DOCK1: variants seen among roughly 807,000 people sequenced by gnomAD.
The protein encoded by DOCK1 is dedicator of cytokinesis protein 1.
A neutral mutation model predicts 262.7 loss-of-function variants in DOCK1; 138 were observed. That is an observed-to-expected ratio of 0.53 (90% CI 0.46 to 0.61). The LOEUF is 0.61. Ranked by LOEUF, DOCK1 falls within the 20% of genes least tolerant of loss-of-function variation. DOCK1 has a pLI of 0.00. For synonymous variants in DOCK1, 866 were observed against 867.4 expected (o/e 1.00, Z 0.03); for missense variants, 1,908 against 2,370.7 (o/e 0.80, Z 4.05).
chr10:127,340,969 A>G (rs534591610), intron 30 of DOCK1, among the ~76,000 whole-genome samples: 5 of 152,158 alleles, frequency 3.3e-5, no homozygotes, highest in South Asian at 4.2e-4. Flanking sequence ...GAAATCTGTT[A>G]TTTCTTTTAC....
chr10:127,384,960 C>G, intron 38 of DOCK1, 51 bp downstream of exon 38: 1 of 1,500,976 alleles, frequency 6.7e-7, no homozygotes, highest in Non-Finnish European at 8.9e-7. Flanking sequence ...ATGCACCTAC[C>G]TGCAGTGTTG....
intron 28 of DOCK1, among the ~76,000 whole-genome samples, chr10:127,248,531 AT>A (rs2059509171): frequency 6.6e-6 from 1 of 152,254 alleles, no homozygotes; most frequent in African/African-American, 2.4e-5. Context: ...ATTAGCTGTA[AT>A]CATGGAAGCT....
At chr10:127,021,973 C>T (rs935700878) in intron 13 of DOCK1, among the ~76,000 whole-genome samples, 1 of 152,078 alleles carries the variant, frequency 6.6e-6, no homozygotes, top group Non-Finnish European at 1.5e-5. Flanking sequence ...GTGGTCAGGG[C>T]GTGGGAGGTG....
intron 29 of DOCK1, among the ~76,000 whole-genome samples, chr10:127,323,200 A>G (rs2062612339): frequency 6.6e-6 from 1 of 152,128 alleles, no homozygotes; most frequent in Non-Finnish European, 1.5e-5. Context: ...ACTTCCACAT[A>G]AAAATGAGGG....
intron 1 of DOCK1, among the ~76,000 whole-genome samples, chr10:126,937,306 A>G (rs2034618101): frequency 6.6e-6 from 1 of 152,200 alleles, no homozygotes; most frequent in Non-Finnish European, 1.5e-5. Flanking sequence ...GGGTGTACAA[A>G]TATCTCTTCA....
intron 23 of DOCK1, among the ~76,000 whole-genome samples, chr10:127,099,417 A>G (rs1054951462): frequency 3.2e-4 from 49 of 152,152 alleles, no homozygotes; most frequent in African/African-American, 1.2e-3. Context: ...GCGTTGCTAT[A>G]AAGGATACCC....
chr10:126,973,233 G>T (rs1471855726), intron 2 of DOCK1, among the ~76,000 whole-genome samples: 2 of 144,222 alleles, frequency 1.4e-5, no homozygotes, highest in African/African-American at 5.1e-5. Flanking sequence ...TGTGGTGGTG[G>T]TTTTTTTTTT....
chr10:127,356,620 G>A (rs2133885991), intron 32 of DOCK1, among the ~76,000 whole-genome samples: 1 of 152,250 alleles, frequency 6.6e-6, no homozygotes, highest in African/African-American at 2.4e-5. Flanking sequence ...GAGAGAGAGA[G>A]AGGCAGGAGA....
At chr10:127,376,291 C>G (rs1161770295) in intron 35 of DOCK1, among the ~76,000 whole-genome samples, 1 of 152,210 alleles carries the variant, frequency 6.6e-6, no homozygotes, top group Non-Finnish European at 1.5e-5. Context: ...AAGAATGCCT[C>G]TGATGGTCTC....
At chr10:126,970,659 T>C (rs750943217) in intron 1 of DOCK1, 43 bp from the exon 2 acceptor site, 1 of 1,507,504 alleles carries the variant, frequency 6.6e-7, no homozygotes, top group East Asian at 2.3e-5. Context: ...TGGTCACTTC[T>C]ATCTTTACTA....
chr10:127,026,258 G>A (rs2042854574), intron 15 of DOCK1, 94 bp from the exon 16 acceptor site: 2 of 1,196,706 alleles, frequency 1.7e-6, no homozygotes, highest in African/African-American at 1.5e-5. Flanking sequence ...AGTTAGAAAT[G>A]TTTACAGTTG....
rs1418493745 is a variant in DOCK1, at chr10:127,175,464, A to G, written c.2847+47700A>G. The G allele has an allele frequency of 6.2e-7, 1 of 1,610,436 alleles. No homozygotes were observed. On this transcript the variant is annotated intron_variant, in intron 27 of 51. Coordinates refer to ENST00000623213, the MANE Select transcript of DOCK1 (RefSeq NM_001290223.2). This position sits in a 1 kb window ranked among gnomAD's most constrained non-coding sequence, Gnocchi z 6.3. ...ACTACATTCGGGGGACAGGCACTGCATCGGGGGTGAGCAGGCCAGGGCAGT... is the reference window on the plus strand; with the variant it reads ...ACTACATTCGGGGGACAGGCACTGCGTCGGGGGTGAGCAGGCCAGGGCAGT...
chr10:127,072,966 G>C (rs1411496196), intron 23 of DOCK1, among the ~76,000 whole-genome samples: 1 of 152,208 alleles, frequency 6.6e-6, no homozygotes, highest in Non-Finnish European at 1.5e-5. Flanking sequence ...CCAGCATTTA[G>C]AACAGACCAG....
chr10:127,051,580 A>G (rs746905849), intron 21 of DOCK1, among the ~76,000 whole-genome samples: 2 of 152,130 alleles, frequency 1.3e-5, no homozygotes, highest in Non-Finnish European at 1.5e-5. Flanking sequence ...GAATCATTTT[A>G]TTTTATTTTA....
At chr10:127,291,280 G>C (rs1361327417) in intron 29 of DOCK1, among the ~76,000 whole-genome samples, 1 of 152,190 alleles carries the variant, frequency 6.6e-6, no homozygotes, top group African/African-American at 2.4e-5. Flanking sequence ...AATTTTACCT[G>C]GTAGCAGGTG....
intron 23 of DOCK1, among the ~76,000 whole-genome samples, chr10:127,086,390 T>A (rs2033546787): frequency 6.6e-6 from 1 of 152,214 alleles, no homozygotes; most frequent in African/African-American, 2.4e-5. Context: ...AAAACACATT[T>A]GCTTGAAACC....
intron 23 of DOCK1, among the ~76,000 whole-genome samples, chr10:127,073,291 A>G (rs1390217656): frequency 6.6e-6 from 1 of 152,218 alleles, no homozygotes; most frequent in Non-Finnish European, 1.5e-5. Flanking sequence ...TTTTGTGGCT[A>G]TTGACCAACT....
At chr10:126,913,619 G>C (rs1226685809) in intron 1 of DOCK1, among the ~76,000 whole-genome samples, 1 of 152,210 alleles carries the variant, frequency 6.6e-6, no homozygotes, top group Non-Finnish European at 1.5e-5. Flanking sequence ...TACAAGCTCA[G>C]TTTTGGCCTG....
At chr10:126,942,631 G>A (rs923682485) in intron 1 of DOCK1, among the ~76,000 whole-genome samples, 9 of 152,252 alleles carry the variant, frequency 5.9e-5, no homozygotes, top group African/African-American at 2.2e-4. Context: ...CGAGGGAGCC[G>A]TCATCTGGGA....
Sources: gnomAD v4.1 joint callset for allele counts (sites outside exome capture counted in the v4.1 genomes callset) on GRCh38, gnomAD v4.1.1 for gene constraint, Gnocchi (gnomAD v3.1) non-coding constraint, MANE v1.5 for transcripts, NCBI Gene and HGNC (gene_info 2026-07-23, HGNC 2026-07-21) for gene names.